ZNF385D: variants seen among roughly 807,000 people sequenced by gnomAD.
ZNF385D encodes the protein zinc finger protein 385D, also known as zinc finger protein 659.
Under a neutral mutation model 35.8 loss-of-function variants are expected in ZNF385D, and 15 were observed. That is an observed-to-expected ratio of 0.42 (90% CI 0.28 to 0.64). The LOEUF (loss-of-function observed/expected upper bound fraction) is 0.64. Ranked by LOEUF, ZNF385D falls within the 30% of genes least tolerant of loss-of-function variation. ZNF385D has a pLI of 0.23. For missense variants in ZNF385D, 474 were observed against 494.6 expected, an observed-to-expected ratio of 0.96 and a Z score of 0.39; for synonymous variants, 212 against 186.8, an observed-to-expected ratio of 1.13 and a Z score of -1.10.
chr3:22,353,588 C>T (rs552731954), intron 2 of ZNF385D, among the ~76,000 whole-genome samples: 17 of 152,248 alleles, frequency 1.1e-4, no homozygotes, highest in African/African-American at 3.6e-4. Flanking sequence ...CACTATCCCC[C>T]CTTCCTTGTT....
intron 3 of ZNF385D, among the ~76,000 whole-genome samples, chr3:22,097,246 T>C (rs34796515): frequency 0.11 from 16,001 of 152,088 alleles, 1,000 homozygotes; most frequent in Non-Finnish European, 0.15. Context: ...AGGTGGTTTG[T>C]TACAGAGCAA....
chr3:21,427,875 C>G (rs1176310728), intron 5 of ZNF385D, among the ~76,000 whole-genome samples: 1 of 151,546 alleles, frequency 6.6e-6, no homozygotes, highest in Non-Finnish European at 1.5e-5. Context: ...TACACTTACA[C>G]ACACATGCAC....
At chr3:22,257,485 C>T (rs1306635614) in intron 2 of ZNF385D, among the ~76,000 whole-genome samples, 1 of 151,770 alleles carries the variant, frequency 6.6e-6, no homozygotes, top group East Asian at 1.9e-4. Context: ...TCTTATTCCT[C>T]CTCTACTCTG....
At chr3:22,241,876 G>A (rs779942152) in intron 2 of ZNF385D, among the ~76,000 whole-genome samples, 1 of 150,742 alleles carries the variant, frequency 6.6e-6, no homozygotes, top group Non-Finnish European at 1.5e-5. Flanking sequence ...TCTGAATATA[G>A]TACTTATTTT....
chr3:22,283,039 T>G (rs994659753), intron 2 of ZNF385D, among the ~76,000 whole-genome samples: 1 of 152,030 alleles, frequency 6.6e-6, no homozygotes, highest in African/African-American at 2.4e-5. Context: ...GTAACTATTT[T>G]TATATCAGAA....
intron 3 of ZNF385D, among the ~76,000 whole-genome samples, chr3:21,798,472 T>C (rs1162709989): frequency 6.6e-6 from 1 of 152,202 alleles, no homozygotes; most frequent in Non-Finnish European, 1.5e-5. Context: ...TCCCCTTTTC[T>C]CACAGCATGG....
intron 5 of ZNF385D, among the ~76,000 whole-genome samples, chr3:21,429,925 T>A (rs1045451787): frequency 1.3e-5 from 2 of 150,304 alleles, no homozygotes; most frequent in African/African-American, 2.5e-5. Flanking sequence ...TGCAAAGCTG[T>A]TTTTTTTTGC....
chr3:22,030,364 C>T (rs1490646075), intron 3 of ZNF385D, among the ~76,000 whole-genome samples: 1 of 140,018 alleles, frequency 7.1e-6, no homozygotes. Context: ...CTCATAATTT[C>T]ACATGGTTTA....
chr3:21,610,661 G>C (rs2064645136), intron 2 of ZNF385D, among the ~76,000 whole-genome samples: 1 of 151,974 alleles, frequency 6.6e-6, no homozygotes, highest in African/African-American at 2.4e-5. Context: ...TGTGGTCCCA[G>C]CTACTCAGGA....
At chr3:21,640,876 A>C (rs2065584437) in intron 2 of ZNF385D, among the ~76,000 whole-genome samples, 1 of 152,136 alleles carries the variant, frequency 6.6e-6, no homozygotes, top group Admixed American at 6.6e-5. Flanking sequence ...TATAACAATG[A>C]CCTAGAATGT....
intron 3 of ZNF385D, among the ~76,000 whole-genome samples, chr3:22,159,916 G>A (rs1421924028): frequency 6.6e-6 from 1 of 151,980 alleles, no homozygotes; most frequent in Non-Finnish European, 1.5e-5. Flanking sequence ...TGCTGATATG[G>A]TTTGGTTGTG....
chr3:21,514,569 A>G (rs1262671467), intron 3 of ZNF385D, among the ~76,000 whole-genome samples: 2 of 152,080 alleles, frequency 1.3e-5, no homozygotes, highest in Non-Finnish European at 2.9e-5. Flanking sequence ...AATCAGTCAC[A>G]GCAACTGGAC....
intron 2 of ZNF385D, among the ~76,000 whole-genome samples, chr3:22,190,717 A>C (rs1014106840): frequency 4.6e-5 from 7 of 152,278 alleles, no homozygotes; most frequent in African/African-American, 1.7e-4. Context: ...TTTTTAGTGA[A>C]GGTGCAATCC....
chr3:22,353,938 AT>A (rs1696032787), intron 2 of ZNF385D, among the ~76,000 whole-genome samples: 1 of 152,050 alleles, frequency 6.6e-6, no homozygotes, highest in Admixed American at 6.6e-5. Flanking sequence ...AGTGTTCCTC[AT>A]TTTCCTTCTT....
intron 3 of ZNF385D, among the ~76,000 whole-genome samples, chr3:21,913,263 T>C (rs547987606): frequency 2.0e-5 from 3 of 152,236 alleles, no homozygotes; most frequent in African/African-American, 7.2e-5. Context: ...GCGTGTTAAC[T>C]AGAACCATTA....
chr3:22,045,983 A>T (rs770517702), intron 3 of ZNF385D, among the ~76,000 whole-genome samples: 44 of 152,166 alleles, frequency 2.9e-4, no homozygotes, highest in Middle Eastern at 6.8e-3. Flanking sequence ...GAAGAAAAAT[A>T]ATGAGGGAGG....
chr3:22,217,746 A>G (rs921140798), intron 2 of ZNF385D, among the ~76,000 whole-genome samples: 2 of 152,174 alleles, frequency 1.3e-5, no homozygotes, highest in African/African-American at 4.8e-5. Context: ...GTAGAGAACA[A>G]TGAAAGCACA....
chr3:22,316,781 T>A (rs1703912184), intron 2 of ZNF385D, among the ~76,000 whole-genome samples: 1 of 152,194 alleles, frequency 6.6e-6, no homozygotes, highest in Non-Finnish European at 1.5e-5. Flanking sequence ...TTGAAACTTC[T>A]AAGGAAGTTT....
intron 3 of ZNF385D, among the ~76,000 whole-genome samples, chr3:22,143,349 G>A (rs775946764): frequency 3.5e-4 from 54 of 152,134 alleles, no homozygotes; most frequent in Admixed American, 3.9e-4. Context: ...CTCCCAAAGC[G>A]CTAGGATTAC....
Sources: gnomAD v4.1 joint callset for allele counts (sites outside exome capture counted in the v4.1 genomes callset) on GRCh38, gnomAD v4.1.1 for gene constraint, MANE v1.5 for transcripts, NCBI Gene and HGNC (gene_info 2026-07-23, HGNC 2026-07-21) for gene names.